ITFG1: variants seen among roughly 807,000 people sequenced by gnomAD.
ITFG1 encodes the protein integrin alpha FG-GAP repeat containing 1, also known as T-cell immunomodulatory protein.
In ITFG1, 34 loss-of-function variants were observed where a neutral mutation model predicts 81.8. The ratio of observed to expected loss-of-function variants is 0.42; its 90% confidence interval spans 0.32 to 0.55. The LOEUF (loss-of-function observed/expected upper bound fraction) is 0.55, where lower values mean the gene tolerates loss of function less well. Ranked by LOEUF, ITFG1 falls within the 20% of genes least tolerant of loss-of-function variation. ITFG1 has a pLI of 0.17. For missense variants in ITFG1, 672 were observed against 755.4 expected, an observed-to-expected ratio of 0.89 and a Z score of 1.29; for synonymous variants, 285 against 270.6, an observed-to-expected ratio of 1.05 and a Z score of -0.52.
At chr16:47,338,424 A>C (rs1967737326) in intron 8 of ITFG1, among the ~76,000 whole-genome samples, 1 of 151,894 alleles carries the variant, frequency 6.6e-6, no homozygotes, top group Non-Finnish European at 1.5e-5. Context: ...CAAACAAACA[A>C]AAAAAAATGG....
chr16:47,311,298 CTCCAATATGAAGGG>C lies in ITFG1; in HGVS notation c.998_1011del (p.Thr333ArgfsTer33). ...TCTGGATAGCCATCCATATTGTAGTCTCCAATATGAAGGGTAATTGGAATTGGTATTTCAGTTGG... is the reference window on the plus strand; with the variant it reads ...TCTGGATAGCCATCCATATTGTAGTCTAATTGGAATTGGTATTTCAGTTGG... On this transcript the variant is annotated frameshift_variant, in exon 10 of 18. Coordinates refer to ENST00000320640, the MANE Select transcript of ITFG1 (RefSeq NM_030790.5). LOFTEE classifies it high-confidence loss of function. 1 of 1,613,132 alleles carries C rather than the reference CTCCAATATGAAGGG, an allele frequency of 6.2e-7. No individual in the cohort carries two copies. The highest frequency in any genetic ancestry group is 8.5e-7 in the Non-Finnish European group (1 of 1,179,168).
At chr16:47,357,616 A>AAG (rs1968057888) in intron 8 of ITFG1, among the ~76,000 whole-genome samples, 1 of 144,734 alleles carries the variant, frequency 6.9e-6, no homozygotes, top group Admixed American at 6.9e-5. Context: ...CTCCGTCTCA[A>AAG]AAAAAAAAAA....
At chr16:47,383,925 A>G (rs974460906) in intron 6 of ITFG1, among the ~76,000 whole-genome samples, 4 of 152,216 alleles carry the variant, frequency 2.6e-5, no homozygotes, top group Non-Finnish European at 4.4e-5. Flanking sequence ...AAAAGACTGT[A>G]TGTCAGTTTA....
chr16:47,376,951 G>A (rs554472011), intron 6 of ITFG1, among the ~76,000 whole-genome samples: 1 of 102,390 alleles, frequency 9.8e-6, no homozygotes, highest in Non-Finnish European at 1.7e-5. Flanking sequence ...GACAGAGGGA[G>A]ACTCTGTCTC....
chr16:47,242,194 G>A (rs1326854712), intron 12 of ITFG1, among the ~76,000 whole-genome samples: 1 of 151,968 alleles, frequency 6.6e-6, no homozygotes, highest in South Asian at 2.1e-4. Flanking sequence ...GACAAAGGGG[G>A]TGAACTTTTT....
Position 47,323,228 on chromosome 16 carries a change from C to T in ITFG1, c.803-9405G>A, listed in dbSNP as rs373929221. ...CCCCACATGAATAGATTAACTCATT[C>T]ATGAGTTAATTAGTTGATATGTTAA... is the stretch of plus-strand genomic sequence containing the variant. On this transcript the variant is annotated intron_variant, in intron 8 of 17. Transcript: ENST00000320640. Among the ~76,000 whole-genome samples the T allele has an allele frequency of 6.6e-5, 10 of 152,210 alleles. No individual in the cohort carries two copies. In the East Asian group the frequency reaches 1.5e-3, roughly 23 times the overall value.
At chr16:47,451,528 G>T in intron 4 of ITFG1, 58 bp from the exon 5 acceptor site, 1 of 935,158 alleles carries the variant, frequency 1.1e-6, no homozygotes. Flanking sequence ...TTCTAATTTA[G>T]CTTTAAAAGA....
intron 14 of ITFG1, among the ~76,000 whole-genome samples, chr16:47,184,087 A>G (rs1184894308): frequency 6.6e-6 from 1 of 152,194 alleles, no homozygotes; most frequent in Non-Finnish European, 1.5e-5. Context: ...AAAAAAGAAT[A>G]AAAAGAAATG....
At chr16:47,325,232 C>T (rs1967516612) in intron 8 of ITFG1, among the ~76,000 whole-genome samples, 1 of 152,144 alleles carries the variant, frequency 6.6e-6, no homozygotes, top group Non-Finnish European at 1.5e-5. Context: ...CCACTGGGTA[C>T]ATAACGAAAT....
At chr16:47,313,253 T>C (rs917755166) in intron 9 of ITFG1, 1 of 152,256 alleles carries the variant, frequency 6.6e-6, no homozygotes, top group African/African-American at 2.4e-5. Flanking sequence ...GAAACATTAA[T>C]TCTAATATGA....
chr16:47,427,106 C>T lies in ITFG1; in HGVS notation c.655+1698G>A, dbSNP rs1363227355. Reference sequence around the variant, plus strand: ...CAGAAAATTTAGCTAATTATACCTGCAGTAGAGTGACAGATTTAGTGTGTC... The same window carrying T: ...CAGAAAATTTAGCTAATTATACCTGTAGTAGAGTGACAGATTTAGTGTGTC... On this transcript the variant is annotated intron_variant, in intron 6 of 17. Coordinates refer to ENST00000320640, the MANE Select transcript of ITFG1 (RefSeq NM_030790.5). Among the ~76,000 whole-genome samples, 9 of 152,234 alleles carry T rather than the reference C, an allele frequency of 5.9e-5. No individual in the cohort carries two copies. The South Asian group carries it at 1.9e-3, about 32-fold the overall frequency.
intron 5 of ITFG1, among the ~76,000 whole-genome samples, chr16:47,434,634 A>G (rs1969142423): frequency 6.6e-6 from 1 of 152,190 alleles, no homozygotes; most frequent in Non-Finnish European, 1.5e-5. Flanking sequence ...TGTAGAAGAC[A>G]GTGTGGTGAT....
At chr16:47,387,415 G>A (rs1196322370) in intron 6 of ITFG1, among the ~76,000 whole-genome samples, 3 of 152,194 alleles carry the variant, frequency 2.0e-5, no homozygotes, top group Non-Finnish European at 4.4e-5. Flanking sequence ...ATATTTGTCT[G>A]TTGACAGCTT....
chr16:47,210,561 T>G (rs1188550200), intron 14 of ITFG1, among the ~76,000 whole-genome samples: 1 of 152,216 alleles, frequency 6.6e-6, no homozygotes, highest in Non-Finnish European at 1.5e-5. Context: ...TAATGGATCT[T>G]GCTTTTGGTG....
At chr16:47,431,466 C>A (rs1969094959) in intron 5 of ITFG1, among the ~76,000 whole-genome samples, 2 of 152,176 alleles carry the variant, frequency 1.3e-5, no homozygotes, top group Admixed American at 1.3e-4. Flanking sequence ...AAACCACCCC[C>A]ACCACCTGGC....
chr16:47,219,418 T>G (rs930560979), intron 13 of ITFG1, among the ~76,000 whole-genome samples: 3 of 152,156 alleles, frequency 2.0e-5, no homozygotes, highest in Non-Finnish European at 4.4e-5. Context: ...TACATTATTT[T>G]TCATTTAAGA....
At chr16:47,230,183 A>G (rs1965799799) in intron 13 of ITFG1, among the ~76,000 whole-genome samples, 1 of 152,156 alleles carries the variant, frequency 6.6e-6, no homozygotes, top group African/African-American at 2.4e-5. Flanking sequence ...CTAGGATGGA[A>G]CCTGAAAATC....
intron 14 of ITFG1, among the ~76,000 whole-genome samples, chr16:47,181,648 C>T (rs867714365): frequency 4.4e-4 from 67 of 151,404 alleles, no homozygotes; most frequent in African/African-American, 1.5e-3. Context: ...AGTGAGGAGC[C>T]CCTCTGCCCG....
intron 9 of ITFG1, among the ~76,000 whole-genome samples, 182 bp downstream of exon 9, chr16:47,313,547 T>C (rs748690876): frequency 3.3e-5 from 5 of 152,186 alleles, no homozygotes; most frequent in Non-Finnish European, 5.9e-5. Flanking sequence ...AACAATGATT[T>C]TCCCGCAACA....
Sources: allele counts gnomAD v4.1 joint callset (sites outside exome capture counted in the v4.1 genomes callset), GRCh38; gene constraint gnomAD v4.1.1; transcripts MANE v1.5; gene names NCBI Gene and HGNC (gene_info 2026-07-23, HGNC 2026-07-21).